Variants in UTRN observed in about 807,000 individuals in gnomAD.
UTRN encodes the protein utrophin.
In UTRN, 283 loss-of-function variants were observed where a neutral mutation model predicts 463.9. The ratio of observed to expected loss-of-function variants is 0.61; its 90% CI spans 0.55 to 0.67. UTRN has a LOEUF of 0.67. Ranked by LOEUF, UTRN falls within the 30% of genes least tolerant of loss-of-function variation. The pLI is 0.00. For missense variants in UTRN, 3,922 were observed against 4,084.3 expected, an observed-to-expected ratio of 0.96 and a Z score of 1.08; for synonymous variants, 1,442 against 1,431.5, an observed-to-expected ratio of 1.01 and a Z score of -0.17.
At chr6:144,441,982 A>G (rs1472713396) in intron 13 of UTRN, among the ~76,000 whole-genome samples, 1 of 152,126 alleles carries the variant, frequency 6.6e-6, no homozygotes, top group Non-Finnish European at 1.5e-5. Context: ...GCCACAAGGC[A>G]CGGGGACCCT....
At chr6:144,847,077 T>C (rs1357345194) in intron 74 of UTRN, among the ~76,000 whole-genome samples, 1 of 152,230 alleles carries the variant, frequency 6.6e-6, no homozygotes, top group Non-Finnish European at 1.5e-5. Flanking sequence ...TGGCATCTTA[T>C]GTGCTACATA....
At chr6:144,656,837 A>G (rs571137507) in intron 51 of UTRN, among the ~76,000 whole-genome samples, 19 of 152,346 alleles carry the variant, frequency 1.2e-4, no homozygotes, top group Non-Finnish European at 1.6e-4. Flanking sequence ...GTGAGAGTAT[A>G]GTTACCCTGT....
At chr6:144,850,772 A>G (rs905353576) in intron 74 of UTRN, among the ~76,000 whole-genome samples, 1 of 152,216 alleles carries the variant, frequency 6.6e-6, no homozygotes, top group African/African-American at 2.4e-5. Flanking sequence ...GCCAAGAGAA[A>G]AGACTTTCAG....
chr6:144,774,145 A>G, intron 59 of UTRN, 145 bp from the exon 60 acceptor site: 1 of 749,430 alleles, frequency 1.3e-6, no homozygotes, highest in Non-Finnish European at 2.1e-6. Context: ...TTTCTTAAAT[A>G]CGTGTTGGGG....
At chr6:144,450,615 T>C (rs1388712101) in intron 17 of UTRN, among the ~76,000 whole-genome samples, 1 of 152,242 alleles carries the variant, frequency 6.6e-6, no homozygotes, top group Non-Finnish European at 1.5e-5. Context: ...GATTTGTATC[T>C]GGTTCACTTT....
In UTRN at chr6:144,499,307, A is replaced by C; in HGVS notation, c.4644A>C (p.Lys1548Asn). 6.2e-7 allele frequency: 1 copy of C among 1,613,604 alleles called. No individual in the cohort carries two copies. Among genetic ancestry groups the C allele is most frequent in the South Asian group, 1.1e-5 (1 of 90,994 alleles). ...AAAGAGCATCACAGTTGGCCCGGAA[A>C]ATGAAGAAAGAGGCTGCTTCTCTCT... ...DLERASQLARKMKKEAASLSE... is the reference protein window; with the variant it reads ...DLERASQLARNMKKEAASLSE... Residue 1548 changes from lysine to asparagine, a missense_variant, in exon 34 of 75, where the codon AAA becomes AAC. Physicochemically the swap from Lys to Asn is moderately conservative, Grantham distance 94. Around this residue, in one of 3 missense-constraint regions of UTRN, gnomAD observed 2,349 missense variants for 2,303.8 expected, o/e 1.02. Coordinates refer to ENST00000367545, the MANE Select transcript of UTRN (RefSeq NM_007124.3).
chr6:144,338,200 G>A (rs925979405), intron 2 of UTRN, among the ~76,000 whole-genome samples: 2 of 151,964 alleles, frequency 1.3e-5, no homozygotes, highest in Admixed American at 6.5e-5. Context: ...ACCAACAGTC[G>A]CATAATGAGT....
intron 54 of UTRN, among the ~76,000 whole-genome samples, chr6:144,747,457 C>T (rs376116056): frequency 2.6e-5 from 4 of 152,324 alleles, no homozygotes; most frequent in South Asian, 4.1e-4. Flanking sequence ...CTCCCCATCT[C>T]TTATATTTCT....
At chr6:144,732,716 ATGTTAT>A (rs1562834158) in intron 54 of UTRN, among the ~76,000 whole-genome samples, 1 of 149,706 alleles carries the variant, frequency 6.7e-6, no homozygotes, top group African/African-American at 2.5e-5. Context: ...ATGTTATGTT[ATGTTAT>A]GTTATTTTGA....
At chr6:144,438,095 G>A (rs960841362) in intron 11 of UTRN, among the ~76,000 whole-genome samples, 27 of 152,064 alleles carry the variant, frequency 1.8e-4, no homozygotes, top group African/African-American at 4.8e-4. Flanking sequence ...GCGAAACTCC[G>A]TCTCTACTAA....
In UTRN at chr6:144,426,279, T is replaced by G; in HGVS notation, c.406-8T>G. The G allele has an allele frequency of 6.2e-7, 1 of 1,610,728 alleles. No homozygotes were observed. The highest frequency in any genetic ancestry group is 1.1e-5 in the South Asian group (1 of 90,546). ...TAGTTATGGACAGGCCTGGTTTCTC[T>G]TACATAGGTGAAAGATGTCATGAAG... On this transcript the variant is annotated splice_region_variant and splice_polypyrimidine_tract_variant and intron_variant, in intron 6 of 74. Coordinates refer to ENST00000367545, the MANE Select transcript of UTRN (RefSeq NM_007124.3).
chr6:144,405,776 T>G (rs913392386), intron 3 of UTRN, among the ~76,000 whole-genome samples: 1 of 152,228 alleles, frequency 6.6e-6, no homozygotes. Flanking sequence ...CGAGCCTTGT[T>G]AATTCCAATA....
At chr6:144,376,583 A>G (rs550713364) in intron 2 of UTRN, among the ~76,000 whole-genome samples, 1 of 152,152 alleles carries the variant, frequency 6.6e-6, no homozygotes, top group Non-Finnish European at 1.5e-5. Context: ...GGTGTGAGCT[A>G]CCATGCCCAG....
intron 51 of UTRN, among the ~76,000 whole-genome samples, chr6:144,629,402 G>A (rs57461230): frequency 0.027 from 4,134 of 152,234 alleles, 137 homozygotes; most frequent in African/African-American, 0.081. Flanking sequence ...TTAAAGTGTG[G>A]CATACATACA....
chr6:144,729,045 A>G (rs1213375616), intron 53 of UTRN, among the ~76,000 whole-genome samples: 1 of 152,060 alleles, frequency 6.6e-6, no homozygotes, highest in East Asian at 1.9e-4. Flanking sequence ...AGTGGTTTCT[A>G]GAGTAGTACT....
intron 62 of UTRN, among the ~76,000 whole-genome samples, chr6:144,793,161 TTATAA>T (rs1471046685): frequency 6.6e-6 from 1 of 152,180 alleles, no homozygotes; most frequent in African/African-American, 2.4e-5. Flanking sequence ...TTAAAATAAG[TTATAA>T]TATATATACA....
chr6:144,766,527 A>G (rs1002020344), intron 58 of UTRN, among the ~76,000 whole-genome samples: 1 of 152,236 alleles, frequency 6.6e-6, no homozygotes, highest in African/African-American at 2.4e-5. Context: ...AATACACTGT[A>G]TAACTTACTT....
chr6:144,848,951 C>T (rs1782253814), intron 74 of UTRN, among the ~76,000 whole-genome samples: 1 of 151,954 alleles, frequency 6.6e-6, no homozygotes, highest in Non-Finnish European at 1.5e-5. Context: ...GAAGATACCC[C>T]AGAGGCCCCA....
intron 51 of UTRN, among the ~76,000 whole-genome samples, chr6:144,599,376 C>T (rs1180473753): frequency 1.3e-5 from 2 of 152,138 alleles, no homozygotes; most frequent in Admixed American, 1.3e-4. Flanking sequence ...CAGTGAGGGA[C>T]ACACTGGGTT....
Sources: gnomAD v4.1 joint callset for allele counts (sites outside exome capture counted in the v4.1 genomes callset) on GRCh38, gnomAD v4.1.1 for gene constraint, gnomAD v4.1.1 regional missense constraint, MANE v1.5 for transcripts, NCBI Gene and HGNC (gene_info 2026-07-23, HGNC 2026-07-21) for gene names.